PREX2: variants seen among roughly 807,000 people sequenced by gnomAD.
PREX2 encodes the protein phosphatidylinositol-3,4,5-trisphosphate dependent Rac exchange factor 2.
PREX2 carries 107 observed loss-of-function variants against 203.2 expected under a neutral mutation model. The ratio of observed to expected loss-of-function variants is 0.53; its 90% CI spans 0.45 to 0.62. The LOEUF is 0.62. Ranked by LOEUF, PREX2 falls within the 20% of genes least tolerant of loss-of-function variation. The probability of loss-of-function intolerance (pLI) is 0.00; values close to 1 mark genes in which losing one functional copy is unlikely to be tolerated. For synonymous variants in PREX2, 672 were observed against 663.6 expected, an observed-to-expected ratio of 1.01 and a Z score of -0.19; for missense variants, 1,777 against 1,955.9, an observed-to-expected ratio of 0.91 and a Z score of 1.72.
At chr8:68,223,030 A>T (rs1462127130) in intron 38 of PREX2, among the ~76,000 whole-genome samples, 1 of 152,240 alleles carries the variant, frequency 6.6e-6, no homozygotes, top group East Asian at 1.9e-4. Flanking sequence ...GTGAGGAGAC[A>T]GGTAAGCGAA....
rs563418718 is a variant in PREX2 at position 68,061,722 on chromosome 8, C to T, written c.1339+943C>T. ...GTTGAAAGAGAAGATGCAGGCTTTG[C>T]TGTGGACCGTGTAGGCCAGCCAGTG... On this transcript the variant is annotated intron_variant, in intron 11 of 39. Coordinates refer to ENST00000288368, the MANE Select transcript of PREX2 (RefSeq NM_024870.4). Among the ~76,000 whole-genome samples the T allele has an allele frequency of 5.9e-5, 9 of 152,276 alleles. No individual in the cohort carries two copies. The South Asian group carries it at 8.3e-4, about 14-fold the overall frequency.
chr8:68,062,130 T>C (rs67460814), intron 11 of PREX2, among the ~76,000 whole-genome samples: 29,812 of 151,976 alleles, frequency 0.2, 2,890 homozygotes, highest in South Asian at 0.26. Flanking sequence ...TTAATTCCTT[T>C]CTCTCCCTCA....
intron 14 of PREX2, among the ~76,000 whole-genome samples, chr8:68,076,302 C>T (rs1341767781): frequency 6.6e-6 from 1 of 151,944 alleles, no homozygotes; most frequent in East Asian, 1.9e-4. Flanking sequence ...ACTAAAAATA[C>T]AAAAATTAGC....
intron 8 of PREX2, among the ~76,000 whole-genome samples, chr8:68,051,703 C>T (rs1808531555): frequency 6.6e-6 from 1 of 152,030 alleles, no homozygotes; most frequent in Non-Finnish European, 1.5e-5. Flanking sequence ...AGGATGGGAA[C>T]ATGAATTAAA....
chr8:67,989,122 T>A (rs1436663059), intron 1 of PREX2, among the ~76,000 whole-genome samples: 1 of 151,784 alleles, frequency 6.6e-6, no homozygotes, highest in Non-Finnish European at 1.5e-5. Flanking sequence ...AGAGAAAAAT[T>A]AATGAGGAAT....
Position 68,072,558 on chromosome 8 carries a change from GT to G in PREX2, c.1559del (p.Leu520Ter). ...TCATGGCCAACAAACTGATAGACTG[GT>G]TAATTGCACAGGTAAATAGACAAAT... ...VVMANKLIDW[L>X]IAQGDCRTRE... On this transcript the variant is annotated frameshift_variant, in exon 14 of 40. Coordinates refer to ENST00000288368, the MANE Select transcript of PREX2 (RefSeq NM_024870.4). LOFTEE classifies it high-confidence loss of function. 1 of 1,581,540 alleles carries G rather than the reference GT, an allele frequency of 6.3e-7. No homozygotes were observed. The highest frequency in any genetic ancestry group is 8.7e-7 in the Non-Finnish European group (1 of 1,151,222).
At chr8:68,032,568 A>T (rs1807915224) in intron 6 of PREX2, among the ~76,000 whole-genome samples, 1 of 152,156 alleles carries the variant, frequency 6.6e-6, no homozygotes, top group Admixed American at 6.6e-5. Flanking sequence ...CCACCACCCC[A>T]TCGAGGGGGG....
chr8:68,154,947 A>G (rs1414961845), intron 34 of PREX2, among the ~76,000 whole-genome samples: 2 of 152,194 alleles, frequency 1.3e-5, no homozygotes. Context: ...CCCAAGAGAC[A>G]GAAATTAACT....
At chr8:68,177,761 G>A (rs552192513) in intron 35 of PREX2, among the ~76,000 whole-genome samples, 1 of 152,184 alleles carries the variant, frequency 6.6e-6, no homozygotes, top group Admixed American at 6.5e-5. Context: ...GGATCCATTA[G>A]CTATTCTTCC....
intron 15 of PREX2, 70 bp downstream of exon 15, chr8:68,077,539 C>T: frequency 1.8e-5 from 20 of 1,104,420 alleles, no homozygotes; most frequent in Non-Finnish European, 2.5e-5. Context: ...ACTGCAACAC[C>T]CAGTGCTGCA....
At chr8:68,224,676 TC>T (rs764955206) in intron 39 of PREX2, 50 bp downstream of exon 39, 1 of 1,392,048 alleles carries the variant, frequency 7.2e-7, no homozygotes, top group African/African-American at 1.4e-5. Flanking sequence ...GCCAGCATTT[TC>T]CCCGGCAGTG....
At chr8:67,965,737 G>A (rs969723672) in intron 1 of PREX2, among the ~76,000 whole-genome samples, 1 of 152,180 alleles carries the variant, frequency 6.6e-6, no homozygotes. Context: ...GAGAGTAAAC[G>A]GCCTTCTGGT....
chr8:68,045,509 T>C (rs926506515), intron 8 of PREX2, among the ~76,000 whole-genome samples: 3 of 152,116 alleles, frequency 2.0e-5, no homozygotes, highest in African/African-American at 7.2e-5. Flanking sequence ...AATGCTCACC[T>C]GTAGGCAATT....
chr8:68,170,181 C>T (rs1044114918), intron 35 of PREX2, among the ~76,000 whole-genome samples: 21 of 152,130 alleles, frequency 1.4e-4, no homozygotes, highest in Non-Finnish European at 7.4e-5. Flanking sequence ...GAGTCCAGCA[C>T]ATTGAGTAGA....
intron 37 of PREX2, among the ~76,000 whole-genome samples, chr8:68,199,330 G>A (rs146268057): frequency 1.6e-4 from 24 of 152,296 alleles, no homozygotes; most frequent in African/African-American, 5.5e-4. Context: ...GTAGAAGTTA[G>A]CTTTAACATA....
chr8:68,180,352 CA>C (rs1282174001), intron 35 of PREX2, among the ~76,000 whole-genome samples: 1 of 152,084 alleles, frequency 6.6e-6, no homozygotes, highest in Non-Finnish European at 1.5e-5. Context: ...TAAACCACAC[CA>C]TTGGTTCTTT....
intron 10 of PREX2, among the ~76,000 whole-genome samples, chr8:68,057,604 GAT>G (rs1808718673): frequency 6.6e-6 from 1 of 152,126 alleles, no homozygotes; most frequent in Admixed American, 6.5e-5. Context: ...GGAAAGAGAA[GAT>G]GTGAGTTTAT....
At chr8:68,206,843 G>T (rs767897306) in intron 37 of PREX2, among the ~76,000 whole-genome samples, 3 of 152,160 alleles carry the variant, frequency 2.0e-5, no homozygotes, top group Non-Finnish European at 4.4e-5. Context: ...TGTCTTGACA[G>T]TGGAGCCGCA....
At chr8:68,161,519 A>G (rs909806216) in intron 35 of PREX2, among the ~76,000 whole-genome samples, 1 of 152,190 alleles carries the variant, frequency 6.6e-6, no homozygotes, top group Non-Finnish European at 1.5e-5. Flanking sequence ...GAAAAACTAA[A>G]TAATCCCCTT....
Sources: gnomAD v4.1 joint callset for allele counts (sites outside exome capture counted in the v4.1 genomes callset) on GRCh38, gnomAD v4.1.1 for gene constraint, MANE v1.5 for transcripts, NCBI Gene and HGNC (gene_info 2026-07-23, HGNC 2026-07-21) for gene names.